TNFAIP8L3: variants seen among roughly 807,000 people sequenced by gnomAD.
The protein encoded by TNFAIP8L3 is tumor necrosis factor alpha-induced protein 8-like protein 3.
Under a neutral mutation model 11.8 loss-of-function variants are expected in TNFAIP8L3, and 7 were observed. That is an observed-to-expected ratio of 0.59 (90% CI 0.34 to 1.11). TNFAIP8L3 has a LOEUF of 1.11. Ranked by LOEUF, TNFAIP8L3 falls within the 50% of genes most tolerant of loss-of-function variation. The probability of loss-of-function intolerance (pLI) is 0.03; values close to 1 mark genes in which losing one functional copy is unlikely to be tolerated. For missense variants in TNFAIP8L3, 219 were observed against 258.6 expected, an observed-to-expected ratio of 0.85 and a Z score of 1.05; for synonymous variants, 98 against 103.8, an observed-to-expected ratio of 0.94 and a Z score of 0.34.
chr15:51,099,784 T>C (rs548251489), upstream of TNFAIP8L3, among the ~76,000 whole-genome samples: 11 of 152,154 alleles, frequency 7.2e-5, no homozygotes, highest in African/African-American at 2.4e-4. Context: ...AAGGTCAGTA[T>C]TATTCCCACA....
chr15:51,090,576 T>C (rs2065461224), intron 1 of TNFAIP8L3, among the ~76,000 whole-genome samples: 1 of 152,162 alleles, frequency 6.6e-6, no homozygotes, highest in Non-Finnish European at 1.5e-5. Context: ...ATTTGTGTCT[T>C]TTCTCAAGCT....
Position 51,094,477 on chromosome 15 carries a change from C to G in TNFAIP8L3, c.52+67G>C, listed in dbSNP as rs973070941. 2.2e-6 allele frequency: 3 copies of G among 1,387,308 alleles called. No homozygotes were observed. In the Admixed American group the frequency reaches 9.0e-5, roughly 41 times the overall value. 85.9% of individuals were successfully genotyped at this position (1,387,308 alleles called of 1,614,324 possible). A position where few individuals can be genotyped will look rare whatever the true frequency, so the allele number is the denominator to read the frequency against. ...CTGCTGAGGATCGGCTTCCCGATTT[C>G]ATGCCCCAGCCTCCCGTCCTCCCCA... is the stretch of plus-strand genomic sequence containing the variant. On this transcript the variant is annotated intron_variant, in intron 1 of 1. Coordinates refer to ENST00000637513, the MANE Select transcript of TNFAIP8L3 (RefSeq NM_001311175.2). The surrounding 1 kb of genome is among the most constrained non-coding windows in gnomAD (Gnocchi z 4.4).
At chr15:51,082,547 T>A (rs2065399746) in intron 1 of TNFAIP8L3, among the ~76,000 whole-genome samples, 1 of 152,136 alleles carries the variant, frequency 6.6e-6, no homozygotes, top group African/African-American at 2.4e-5. Flanking sequence ...ATAAAAAACA[T>A]TTTTCTTTCT....
chr15:51,087,944 G>A (rs2065442066), intron 1 of TNFAIP8L3, among the ~76,000 whole-genome samples: 1 of 49,450 alleles, frequency 2.0e-5, no homozygotes, highest in Admixed American at 2.5e-4. Context: ...TATATATATG[G>A]GAAGGGGGAG....
intron 1 of TNFAIP8L3, among the ~76,000 whole-genome samples, chr15:51,062,146 C>A (rs2065245825): frequency 6.6e-6 from 1 of 152,122 alleles, no homozygotes; most frequent in Non-Finnish European, 1.5e-5. Flanking sequence ...TGGTGCCATG[C>A]ACCTGTAGTC....
rs6145560 is a variant in TNFAIP8L3 at position 51,087,919 on chromosome 15, TTATATATATA to T, written c.52+6615_52+6624del. 2.2e-4 allele frequency among the ~76,000 whole-genome samples: 22 copies of T among 101,564 alleles called. 1 individual carries two copies. Among genetic ancestry groups the T allele is most frequent in the African/African-American group, 3.4e-4 (9 of 26,794 alleles). The allele number at this position is 101,564 out of a possible 152,430, so 66.6% of individuals were successfully genotyped here. ...AAAATAAAATTTTTCTAGCATACCT[TTATATATATA>T]TATATATATATATGGGAAGGGGGAG... On this transcript the variant is annotated intron_variant, in intron 1 of 1. Coordinates refer to ENST00000637513, the MANE Select transcript of TNFAIP8L3 (RefSeq NM_001311175.2).
intron 1 of TNFAIP8L3, among the ~76,000 whole-genome samples, chr15:51,080,754 C>T (rs760037742): frequency 2.0e-5 from 3 of 152,228 alleles, no homozygotes; most frequent in Non-Finnish European, 4.4e-5. Context: ...AAAATGGAAA[C>T]ACAAAAACAG....
At chr15:51,091,071 C>T (rs2065465602) in intron 1 of TNFAIP8L3, among the ~76,000 whole-genome samples, 1 of 151,966 alleles carries the variant, frequency 6.6e-6, no homozygotes, top group African/African-American at 2.4e-5. Context: ...CAAGTTGGGT[C>T]TCTGGAAAGA....
At chr15:51,064,562 T>G (rs983625216) in intron 1 of TNFAIP8L3, 1 of 152,110 alleles carries the variant, frequency 6.6e-6, no homozygotes, top group Admixed American at 6.5e-5. Context: ...TTGAGAGAAA[T>G]AAAATCAAGA....
At chr15:51,100,971 C>T (rs1235691320) in intron 1 of TNFAIP8L3, among the ~76,000 whole-genome samples, 2 of 152,164 alleles carry the variant, frequency 1.3e-5, no homozygotes, top group African/African-American at 2.4e-5. Context: ...TTGCCGGGCC[C>T]CTGTACTAGC....
chr15:51,102,936 C>T (rs898228633), intron 1 of TNFAIP8L3, among the ~76,000 whole-genome samples: 6 of 152,196 alleles, frequency 3.9e-5, no homozygotes, highest in African/African-American at 1.4e-4. Flanking sequence ...AAAAGCAGGA[C>T]TTGACCAATG....
Position 51,094,703 on chromosome 15 carries a change from CGCGGGCGGCGCGGGCTGGGCGGT to C in TNFAIP8L3, c.-131_-109del. ...AGCGGGGCGGCTGGAGCCCGGGCGG[CGCGGGCGGCGCGGGCTGGGCGGT>C]GCGCGGCGGCAGCGGCCAGGGGGCG... On this transcript the variant is annotated 5_prime_UTR_variant, in exon 1 of 2. Transcript: ENST00000637513. The surrounding 1 kb of genome is among the most constrained non-coding windows in gnomAD (Gnocchi z 4.4). The C allele has an allele frequency of 1.7e-6, 1 of 597,506 alleles. No individual in the cohort carries two copies. Among genetic ancestry groups the C allele is most frequent in the Non-Finnish European group, 2.1e-6 (1 of 487,454 alleles). The allele number at this position is 597,506 out of a possible 1,614,324, so 37.0% of individuals were successfully genotyped here.
chr15:51,104,934 C>G (rs926669735), intron 1 of TNFAIP8L3: 5 of 1,598,520 alleles, frequency 3.1e-6, no homozygotes, highest in African/African-American at 2.7e-5. Context: ...CAGCTCGCCA[C>G]CTTGCATGCT....
chr15:51,072,870 C>T (rs1285685484), intron 1 of TNFAIP8L3, among the ~76,000 whole-genome samples: 1 of 152,030 alleles, frequency 6.6e-6, no homozygotes, highest in Non-Finnish European at 1.5e-5. Flanking sequence ...TCCTCACCCT[C>T]ACTTTATTCT....
At chr15:51,104,596 C>T (rs2065576457) in intron 1 of TNFAIP8L3, among the ~76,000 whole-genome samples, 1 of 152,168 alleles carries the variant, frequency 6.6e-6, no homozygotes, top group Admixed American at 6.5e-5. Context: ...GCACTCCTGG[C>T]CCCTCCTTCC....
chr15:51,085,441 G>A (rs1329463548), intron 1 of TNFAIP8L3, among the ~76,000 whole-genome samples: 1 of 152,174 alleles, frequency 6.6e-6, no homozygotes, highest in Non-Finnish European at 1.5e-5. Flanking sequence ...GGAGGCCCCT[G>A]GGCAACGTGC....
At chr15:51,063,686 G>C (rs1462248894) in intron 1 of TNFAIP8L3, among the ~76,000 whole-genome samples, 4 of 152,274 alleles carry the variant, frequency 2.6e-5, no homozygotes, top group African/African-American at 9.6e-5. Context: ...AGTGCTATGA[G>C]GATATCCCGA....
At chr15:51,065,334 A>T (rs1280951151) in intron 1 of TNFAIP8L3, among the ~76,000 whole-genome samples, 1 of 152,198 alleles carries the variant, frequency 6.6e-6, no homozygotes, top group Non-Finnish European at 1.5e-5. Flanking sequence ...TAAGGGGGGA[A>T]CTTCACTGCA....
Position 51,065,482 on chromosome 15 carries a change from C to T in TNFAIP8L3, c.53-7039G>A, listed in dbSNP as rs553151479. Among the ~76,000 whole-genome samples, 5 of 152,286 alleles carry T rather than the reference C, an allele frequency of 3.3e-5. No individual in the cohort carries two copies. The East Asian group carries it at 7.7e-4, about 23-fold the overall frequency. The stretch of plus-strand genomic sequence containing the variant: ...ATGCCAAGCTAATGGTGATAAACAA[C>T]AGGAAGATCTTTACCAAGCTGGGTG... On this transcript the variant is annotated intron_variant, in intron 1 of 1. Coordinates refer to ENST00000637513, the MANE Select transcript of TNFAIP8L3 (RefSeq NM_001311175.2).
Sources: gnomAD v4.1 joint callset for allele counts (sites outside exome capture counted in the v4.1 genomes callset) on GRCh38, gnomAD v4.1.1 for gene constraint, Gnocchi (gnomAD v3.1) non-coding constraint, MANE v1.5 for transcripts, NCBI Gene and HGNC (gene_info 2026-07-23, HGNC 2026-07-21) for gene names.